The following MAD1L1 variants were observed in gnomAD, a reference collection of about 807,000 sequenced individuals.
MAD1L1 encodes the protein mitotic arrest deficient 1 like 1.
A neutral mutation model predicts 96.9 loss-of-function variants in MAD1L1; 95 were observed. The ratio of observed to expected loss-of-function variants is 0.98; its 90% confidence interval spans 0.83 to 1.16. MAD1L1 has a LOEUF of 1.16. Among genes scored for constraint, MAD1L1 ranks in the 50% most tolerant of loss-of-function variants. MAD1L1 has a pLI of 0.00. For synonymous variants in MAD1L1, 473 were observed against 396.6 expected, an observed-to-expected ratio of 1.19 and a Z score of -2.29; for missense variants, 1,007 against 954.4, an observed-to-expected ratio of 1.06 and a Z score of -0.73.
chr7:2,115,519 G>C (rs1787635892), intron 11 of MAD1L1, among the ~76,000 whole-genome samples: 1 of 142,634 alleles, frequency 7.0e-6, no homozygotes, highest in African/African-American at 2.6e-5. Flanking sequence ...CGCTGGACAG[G>C]GTCCCCGCAT....
chr7:2,109,477 G>A (rs1385338318), intron 11 of MAD1L1: 1 of 152,176 alleles, frequency 6.6e-6, no homozygotes, highest in South Asian at 2.1e-4. Context: ...TCCTATGTTT[G>A]TAAACGTCAG....
chr7:1,928,270 G>C (rs1789209332), intron 17 of MAD1L1, among the ~76,000 whole-genome samples: 1 of 150,450 alleles, frequency 6.6e-6, no homozygotes, highest in African/African-American at 2.5e-5. Context: ...CCAGTCCCTA[G>C]AGGAGCCCAC....
chr7:1,823,808 C>T (rs951872626), intron 18 of MAD1L1, among the ~76,000 whole-genome samples: 2 of 152,100 alleles, frequency 1.3e-5, no homozygotes, highest in African/African-American at 2.4e-5. Flanking sequence ...GCTGCTGGGC[C>T]GGGGGAGGCA....
intron 17 of MAD1L1, among the ~76,000 whole-genome samples, chr7:1,913,059 C>T (rs1322725857): frequency 2.6e-5 from 4 of 152,192 alleles, no homozygotes; most frequent in Non-Finnish European, 4.4e-5. Context: ...GGGTCATTTT[C>T]GAGTCAATCT....
chr7:1,955,697 C>T (rs1237950626), intron 16 of MAD1L1, among the ~76,000 whole-genome samples: 8 of 152,164 alleles, frequency 5.3e-5, no homozygotes, highest in South Asian at 4.1e-4. Flanking sequence ...GCCCCTCCCC[C>T]GGTTCCTCAC....
At chr7:2,137,457 C>T (rs935358441) in intron 11 of MAD1L1, among the ~76,000 whole-genome samples, 2 of 152,174 alleles carry the variant, frequency 1.3e-5, no homozygotes, top group African/African-American at 2.4e-5. Context: ...CGTCACAGAG[C>T]GGCAGGCATG....
chr7:2,044,541 A>T (rs1437044782), intron 12 of MAD1L1, among the ~76,000 whole-genome samples: 1 of 152,122 alleles, frequency 6.6e-6, no homozygotes, highest in Non-Finnish European at 1.5e-5. Flanking sequence ...ATGATAACAC[A>T]ATTTCCCAAA....
intron 17 of MAD1L1, among the ~76,000 whole-genome samples, chr7:1,915,530 A>C (rs1345804519): frequency 2.6e-5 from 4 of 152,330 alleles, no homozygotes; most frequent in African/African-American, 9.6e-5. Context: ...GCGGTGTTCC[A>C]CGGCGGGCTG....
At chr7:1,920,772 T>G (rs899885067) in intron 17 of MAD1L1, among the ~76,000 whole-genome samples, 7 of 152,238 alleles carry the variant, frequency 4.6e-5, no homozygotes, top group Admixed American at 2.0e-4. Flanking sequence ...TACCCCTGTG[T>G]GGCCACTGCC....
chr7:1,851,224 A>G (rs1210560585), intron 18 of MAD1L1, among the ~76,000 whole-genome samples: 2 of 152,064 alleles, frequency 1.3e-5, no homozygotes, highest in Non-Finnish European at 2.9e-5. Flanking sequence ...CTCGGCCGGC[A>G]CAGGGTGGAA....
chr7:2,184,176 C>T lies in MAD1L1; in HGVS notation c.986+29036G>A, dbSNP rs552381831. Among the ~76,000 whole-genome samples, 7 of 151,980 alleles carry T rather than the reference C, an allele frequency of 4.6e-5. No individual in the cohort carries two copies. The East Asian group carries it at 5.8e-4, about 13-fold the overall frequency. ...CTGAGGCAGGAGAATGGCATGAATC[C>T]GGGAGGCGGAGCTTGCAGTGAGTGG... On this transcript the variant is annotated intron_variant, in intron 10 of 18. Transcript: ENST00000265854.
chr7:1,907,085 T>C (rs1356775894), intron 17 of MAD1L1, among the ~76,000 whole-genome samples: 1 of 149,936 alleles, frequency 6.7e-6, no homozygotes, highest in Admixed American at 6.6e-5. Context: ...GCCAGGGGCC[T>C]CCAGGGGCTT....
chr7:1,933,738 T>A (rs940863904), intron 17 of MAD1L1, among the ~76,000 whole-genome samples: 13 of 152,148 alleles, frequency 8.5e-5, no homozygotes, highest in Non-Finnish European at 1.5e-4. Context: ...GGAGTCTTCA[T>A]CTTTCCCGGG....
chr7:1,905,122 C>T (rs189463258), intron 17 of MAD1L1, among the ~76,000 whole-genome samples: 21 of 65,908 alleles, frequency 3.2e-4, no homozygotes, highest in South Asian at 7.5e-4. Flanking sequence ...CAGTGGCCTA[C>T]GGAAGACGCT....
At chr7:2,181,125 A>G (rs1791179628) in intron 10 of MAD1L1, among the ~76,000 whole-genome samples, 1 of 152,182 alleles carries the variant, frequency 6.6e-6, no homozygotes, top group Non-Finnish European at 1.5e-5. Context: ...TAGAATTTCT[A>G]TGTGGTTTCT....
chr7:2,049,121 C>T (rs528234250), intron 12 of MAD1L1, among the ~76,000 whole-genome samples: 12 of 152,336 alleles, frequency 7.9e-5, no homozygotes, highest in African/African-American at 2.2e-4. Flanking sequence ...ATCTGTGAAT[C>T]GGCTCCCCGT....
chr7:1,908,566 GTCTT>G (rs1018785940), intron 17 of MAD1L1, among the ~76,000 whole-genome samples: 6 of 152,080 alleles, frequency 3.9e-5, no homozygotes, highest in Admixed American at 6.5e-5. Context: ...TATTTTTAGG[GTCTT>G]TCTATGTTGC....
chr7:2,124,918 G>A (rs994908213), intron 11 of MAD1L1, among the ~76,000 whole-genome samples: 1 of 152,212 alleles, frequency 6.6e-6, no homozygotes, highest in Non-Finnish European at 1.5e-5. Context: ...TGCAGGAGCT[G>A]CAGGCGGCCT....
chr7:1,844,443 C>T (rs917859110), intron 18 of MAD1L1, among the ~76,000 whole-genome samples: 11 of 152,126 alleles, frequency 7.2e-5, no homozygotes, highest in African/African-American at 1.7e-4. Context: ...GACCCTGACA[C>T]GCGAGGTGTG....
Sources: gnomAD v4.1 joint callset for allele counts (sites outside exome capture counted in the v4.1 genomes callset) on GRCh38, gnomAD v4.1.1 for gene constraint, MANE v1.5 for transcripts, NCBI Gene and HGNC (gene_info 2026-07-23, HGNC 2026-07-21) for gene names.